The following ANXA4 variants were observed in gnomAD, a reference collection of about 807,000 sequenced individuals.
ANXA4 encodes the protein annexin A4.
In ANXA4, 39 loss-of-function variants were observed where a neutral mutation model predicts 49.8. The observed-to-expected ratio is 0.78, with a 90% confidence interval of 0.61 to 1.02. The LOEUF (loss-of-function observed/expected upper bound fraction) is 1.02, where lower values mean the gene tolerates loss of function less well. Among genes scored for constraint, ANXA4 ranks in the 50% least tolerant of loss-of-function variants. ANXA4 has a pLI of 0.00. For missense variants in ANXA4, 360 were observed against 410.1 expected, an observed-to-expected ratio of 0.88 and a Z score of 1.05; for synonymous variants, 134 against 152.5, an observed-to-expected ratio of 0.88 and a Z score of 0.89.
At position 69,747,066 on chromosome 2, in the gene ANXA4, G is replaced by A. The variant is rs1670643283; in HGVS notation, c.-47+4891G>A. Among the ~76,000 whole-genome samples the A allele has an allele frequency of 2.0e-5, 3 of 151,992 alleles. No individual in the cohort carries two copies. The South Asian group carries it at 6.2e-4, about 32-fold the overall frequency. On this transcript the variant is annotated intron_variant, in intron 1 of 12. Transcript: ENST00000394295. ...CGAAATAACTAACCCTTGAGGCCTAGAAGAAACACACAGAACAAGCAGCCT... is the reference window on the plus strand; with the variant it reads ...CGAAATAACTAACCCTTGAGGCCTAAAAGAAACACACAGAACAAGCAGCCT...
intron 3 of ANXA4, among the ~76,000 whole-genome samples, chr2:69,735,675 G>C (rs1446887673): frequency 1.3e-5 from 2 of 152,022 alleles, no homozygotes; most frequent in Non-Finnish European, 2.9e-5. Context: ...AGATTCAGAA[G>C]TCTAGGCTAA....
At chr2:69,803,199 A>T (rs1358222787) in intron 3 of ANXA4, among the ~76,000 whole-genome samples, 1 of 151,992 alleles carries the variant, frequency 6.6e-6, no homozygotes, top group African/African-American at 2.4e-5. Context: ...AAAAAAAGAA[A>T]AAAAAAAAAG....
At chr2:69,663,288 C>T (rs1455417153) in intron 2 of ANXA4, among the ~76,000 whole-genome samples, 4 of 130,088 alleles carry the variant, frequency 3.1e-5, no homozygotes, top group Non-Finnish European at 6.3e-5. Flanking sequence ...GCCAATGCAC[C>T]CGGCCTTTTT....
intron 8 of ANXA4, 29 bp from the exon 9 acceptor site, chr2:69,816,072 T>C (rs1673974616): frequency 1.3e-6 from 2 of 1,592,712 alleles, no homozygotes; most frequent in Middle Eastern, 1.7e-4. Flanking sequence ...GTTTTTGGAA[T>C]TTTAGACCTG....
At chr2:69,753,978 G>A (rs1049375390) in intron 1 of ANXA4, among the ~76,000 whole-genome samples, 2 of 152,218 alleles carry the variant, frequency 1.3e-5, no homozygotes, top group Admixed American at 6.5e-5. Flanking sequence ...CTTGGTTCTT[G>A]TTCTGGATTC....
rs568851846 is a variant in ANXA4, at chr2:69,744,686, G to C, written c.-47+2511G>C. On this transcript the variant is annotated intron_variant, in intron 1 of 12. Coordinates refer to ENST00000394295, the MANE Select transcript of ANXA4 (RefSeq NM_001153.5). ...ATGGGGTTATTAACGTTGGTTTACA[G>C]CTGAGGATCCCAAGGTTCCATATCA... Among the ~76,000 whole-genome samples the C allele has an allele frequency of 3.9e-5, 6 of 152,264 alleles. No homozygotes were observed. The East Asian group carries it at 1.2e-3, about 30-fold the overall frequency.
chr2:69,798,879 C>T (rs1377712423), intron 3 of ANXA4, among the ~76,000 whole-genome samples: 2 of 152,158 alleles, frequency 1.3e-5, no homozygotes, highest in Non-Finnish European at 2.9e-5. Flanking sequence ...CTTGGTCACA[C>T]GACCAGATAT....
chr2:69,719,706 T>C (rs1038924499), intron 2 of ANXA4, among the ~76,000 whole-genome samples: 1 of 152,162 alleles, frequency 6.6e-6, no homozygotes, highest in African/African-American at 2.4e-5. Flanking sequence ...CCCAAAGTGC[T>C]GGGATTACAG....
upstream of ANXA4, chr2:69,643,869 C>T (rs1259945652): frequency 3.4e-6 from 4 of 1,177,516 alleles, no homozygotes; most frequent in Non-Finnish European, 3.1e-6. Flanking sequence ...AACCGCCGTT[C>T]TGTCGCCACG....
At position 69,825,641 on chromosome 2, in the gene ANXA4, C is replaced by G; in HGVS notation, c.*126C>G. The G allele has an allele frequency of 1.5e-6, 1 of 650,538 alleles. No individual in the cohort carries two copies. Among genetic ancestry groups the G allele is most frequent in the Non-Finnish European group, 2.6e-6 (1 of 379,700 alleles). 40.3% of individuals were successfully genotyped at this position (650,538 alleles called of 1,614,324 possible). ...CAATTAAAACGCCTACAGCTGCCTC[C>G]TAGAATATAGACTGTCTGTATTATT... On this transcript the variant is annotated 3_prime_UTR_variant, in exon 13 of 13. Transcript: ENST00000394295.
intron 2 of ANXA4, among the ~76,000 whole-genome samples, chr2:69,691,074 T>A (rs1677948106): frequency 6.6e-6 from 1 of 152,112 alleles, no homozygotes; most frequent in Non-Finnish European, 1.5e-5. Flanking sequence ...TTGCAAATAC[T>A]CTGCCTGGGA....
At chr2:69,677,019 C>T (rs1677436101) in intron 2 of ANXA4, among the ~76,000 whole-genome samples, 1 of 151,954 alleles carries the variant, frequency 6.6e-6, no homozygotes, top group South Asian at 2.1e-4. Context: ...CTCACTATAT[C>T]GCCCAGGCTG....
Position 69,781,507 on chromosome 2 carries a change from G to A in ANXA4, c.-46-13G>A. On this transcript the variant is annotated splice_polypyrimidine_tract_variant and intron_variant, in intron 1 of 12. Transcript: ENST00000394295. ...CCTTCATCACAGTAATTTCCCCTCT[G>A]CTTTTATCACAGAAGAACTTCTGCT... The A allele has an allele frequency of 6.2e-7, 1 of 1,604,994 alleles. No homozygotes were observed.
chr2:69,825,339 A>G (rs1032473863), intron 12 of ANXA4, 117 bp from the exon 13 acceptor site: 18 of 788,724 alleles, frequency 2.3e-5, no homozygotes, highest in Non-Finnish European at 3.7e-5. Context: ...AAAATAACAA[A>G]AAAAATTTAA....
At chr2:69,718,628 C>T (rs776377026) in intron 2 of ANXA4, among the ~76,000 whole-genome samples, 9 of 152,198 alleles carry the variant, frequency 5.9e-5, no homozygotes, top group Non-Finnish European at 1.0e-4. Context: ...GTTTCCTTCT[C>T]TCCCACCAGC....
chr2:69,788,479 G>A (rs1672514321), intron 3 of ANXA4, among the ~76,000 whole-genome samples: 1 of 152,160 alleles, frequency 6.6e-6, no homozygotes, highest in Non-Finnish European at 1.5e-5. Flanking sequence ...GGTGGAGGTT[G>A]CAGTGAGCTG....
At chr2:69,790,857 G>A (rs990345157) in intron 3 of ANXA4, among the ~76,000 whole-genome samples, 5 of 152,154 alleles carry the variant, frequency 3.3e-5, no homozygotes, top group Non-Finnish European at 5.9e-5. Context: ...GGGACTACAG[G>A]TTAATAACAG....
intron 2 of ANXA4, among the ~76,000 whole-genome samples, chr2:69,663,403 T>C (rs1193338573): frequency 7.4e-6 from 1 of 135,516 alleles, no homozygotes; most frequent in Non-Finnish European, 1.5e-5. Context: ...ACAATAAAGA[T>C]AGAATCCAAA....
intron 2 of ANXA4, among the ~76,000 whole-genome samples, chr2:69,697,964 G>C (rs1004831636): frequency 1.6e-5 from 2 of 125,212 alleles, no homozygotes; most frequent in African/African-American, 6.0e-5. Context: ...GGGCAACACA[G>C]TGAGACCCCA....
Sources: allele counts gnomAD v4.1 joint callset (sites outside exome capture counted in the v4.1 genomes callset), GRCh38; gene constraint gnomAD v4.1.1; transcripts MANE v1.5; gene names NCBI Gene and HGNC (gene_info 2026-07-23, HGNC 2026-07-21).